Variants in TMX2 observed in about 807,000 individuals in gnomAD.
TMX2 encodes thioredoxin-related transmembrane protein 2.
Under a neutral mutation model 33.4 loss-of-function variants are expected in TMX2, and 20 were observed. The observed-to-expected ratio is 0.60, with a 90% CI of 0.42 to 0.87. The LOEUF is 0.87. TMX2 is among the 40% of genes least tolerant of loss of function. The pLI is 0.00. For synonymous variants in TMX2, 166 were observed against 140.7 expected (o/e 1.18, Z -1.27); for missense variants, 340 against 370.7 (o/e 0.92, Z 0.68).
intron 1 of TMX2, among the ~76,000 whole-genome samples, chr11:57,719,114 C>T (rs1947392393): frequency 6.9e-6 from 1 of 145,098 alleles, no homozygotes; most frequent in Non-Finnish European, 1.5e-5. Flanking sequence ...TGGCTCACTG[C>T]AACCTCCATC....
chr11:57,726,899 C>A (rs997240968), intron 1 of TMX2, among the ~76,000 whole-genome samples: 13 of 152,128 alleles, frequency 8.5e-5, no homozygotes, highest in African/African-American at 3.1e-4. Context: ...GTTCAAATAA[C>A]CCTTATTAAG....
intron 1 of TMX2, among the ~76,000 whole-genome samples, chr11:57,726,781 C>T (rs372692748): frequency 2.0e-5 from 3 of 152,180 alleles, no homozygotes; most frequent in East Asian, 3.8e-4. Flanking sequence ...TTATATCCTC[C>T]CTCAGGATGC....
intron 2 of TMX2, 49 bp from the exon 3 acceptor site, chr11:57,737,864 A>C (rs1158578835): frequency 1.2e-6 from 2 of 1,614,080 alleles, no homozygotes; most frequent in African/African-American, 1.3e-5. Flanking sequence ...AAAGAATGGG[A>C]TATAGGAGTG....
intron 4 of TMX2, 37 bp from the exon 5 acceptor site, chr11:57,738,625 ATG>A: frequency 6.5e-7 from 1 of 1,541,422 alleles, no homozygotes; most frequent in Non-Finnish European, 9.0e-7. Context: ...CCAGGAGGCT[ATG>A]TGGATCCAGC....
chr11:57,732,079 G>A (rs1948442127), intron 1 of TMX2, among the ~76,000 whole-genome samples: 1 of 152,196 alleles, frequency 6.6e-6, no homozygotes, highest in East Asian at 1.9e-4. Flanking sequence ...AGGAAAAGGA[G>A]ACCAAAAGTG....
intron 4 of TMX2, 96 bp from the exon 5 acceptor site, chr11:57,738,568 A>G (rs1948890457): frequency 8.0e-7 from 1 of 1,255,318 alleles, no homozygotes; most frequent in Non-Finnish European, 1.2e-6. Flanking sequence ...GAGCCGGGGG[A>G]GAGGGAACAC....
intron 5 of TMX2, 44 bp from the exon 6 acceptor site, chr11:57,738,930 T>C: frequency 1.3e-6 from 2 of 1,590,618 alleles, no homozygotes; most frequent in Admixed American, 1.7e-5. Flanking sequence ...CTTTCCTTGA[T>C]CCATTATTTT....
At chr11:57,718,132 C>G in intron 1 of TMX2, 1 of 1,188,062 alleles carries the variant, frequency 8.4e-7, no homozygotes, top group East Asian at 2.3e-5. Context: ...ATATTCATGC[C>G]TTCTTTCACC....
At chr11:57,738,264 T>C in intron 3 of TMX2, 90 bp from the exon 4 acceptor site, 1 of 961,360 alleles carries the variant, frequency 1.0e-6, no homozygotes, top group Non-Finnish European at 1.6e-6. Flanking sequence ...TGTGTATTAT[T>C]TGGGGGCTGA....
Position 57,735,450 on chromosome 11 carries a change from A to T in TMX2, c.190-2158A>T, listed in dbSNP as rs1419432844. Among the ~76,000 whole-genome samples the T allele has an allele frequency of 5.9e-5, 9 of 152,154 alleles. No individual in the cohort carries two copies. The South Asian group carries it at 1.9e-3, about 32-fold the overall frequency. On this transcript the variant is annotated intron_variant, in intron 1 of 7. Coordinates refer to ENST00000278422, the MANE Select transcript of TMX2 (RefSeq NM_015959.4). The stretch of plus-strand genomic sequence containing the variant: ...GGTCTTGAACTTCTAATCTCAGGTG[A>T]TCCACCCACTTTAGCCTCCCAAAGT...
At chr11:57,715,910 G>A (rs1364249788) in intron 1 of TMX2, among the ~76,000 whole-genome samples, 1 of 151,978 alleles carries the variant, frequency 6.6e-6, no homozygotes, top group Non-Finnish European at 1.5e-5. Context: ...TAAGGTCACC[G>A]ATCAACAGGA....
rs200104273 is a variant in TMX2, at chr11:57,740,093, G to A, written c.745-6G>A. 2,633 of 1,613,774 alleles carry A rather than the reference G, an allele frequency of 1.6e-3. 7 individuals carry two copies. Among genetic ancestry groups the A allele is most frequent in the Non-Finnish European group, 1.2e-3 (1,461 of 1,179,818 alleles). ...AGATCCTGACGTGTGCATCTCTTTT[G>A]TGCAGGAGAATGTGATCCGAGAATT... On this transcript the variant is annotated splice_polypyrimidine_tract_variant and splice_region_variant and intron_variant, in intron 7 of 7. Transcript: ENST00000278422.
At chr11:57,721,433 C>G (rs1201506202) in intron 1 of TMX2, among the ~76,000 whole-genome samples, 1 of 148,220 alleles carries the variant, frequency 6.7e-6, no homozygotes, top group Non-Finnish European at 1.5e-5. Flanking sequence ...ACCACAACCT[C>G]AGCCTCCTGA....
chr11:57,740,360 G>C lies in TMX2; in HGVS notation c.*115G>C. The C allele has an allele frequency of 8.1e-7, 1 of 1,234,908 alleles. No individual in the cohort carries two copies. Among genetic ancestry groups the C allele is most frequent in the Non-Finnish European group, 1.1e-6 (1 of 923,786 alleles). The allele number at this position is 1,234,908 out of a possible 1,614,324, so 76.5% of individuals were successfully genotyped here. A position where few individuals can be genotyped will look rare whatever the true frequency, so the allele number is the denominator to read the frequency against. The stretch of plus-strand genomic sequence containing the variant: ...TTCCCTTTGGCTGTGACTGGGTGGG[G>C]CAGCATGCAGCTTCTGATTTTAAAG... On this transcript the variant is annotated 3_prime_UTR_variant, in exon 8 of 8. Coordinates refer to ENST00000278422, the MANE Select transcript of TMX2 (RefSeq NM_015959.4).
intron 1 of TMX2, among the ~76,000 whole-genome samples, chr11:57,728,585 G>T (rs1260930921): frequency 1.3e-5 from 2 of 152,048 alleles, no homozygotes; most frequent in East Asian, 3.9e-4. Context: ...TTCTGAGCTG[G>T]TTTTTTGCTA....
chr11:57,716,219 TC>T (rs1294493131), intron 1 of TMX2, among the ~76,000 whole-genome samples: 1 of 125,792 alleles, frequency 7.9e-6, no homozygotes, highest in Non-Finnish European at 1.7e-5. Context: ...GGGCTGACCC[TC>T]CCACCTCCCT....
chr11:57,730,806 TGAGA>T (rs1948329593), intron 1 of TMX2, among the ~76,000 whole-genome samples: 1 of 151,964 alleles, frequency 6.6e-6, no homozygotes, highest in African/African-American at 2.4e-5. Flanking sequence ...CTGGGTTGCT[TGAGA>T]GAGAGAGACA....
chr11:57,735,231 C>T (rs1448263332), intron 1 of TMX2, among the ~76,000 whole-genome samples: 2 of 150,426 alleles, frequency 1.3e-5, no homozygotes, highest in East Asian at 2.0e-4. Flanking sequence ...TTTTTTGAGA[C>T]GTTGTTTCAC....
At chr11:57,728,979 G>C (rs935858296) in intron 1 of TMX2, among the ~76,000 whole-genome samples, 1 of 152,150 alleles carries the variant, frequency 6.6e-6, no homozygotes, top group African/African-American at 2.4e-5. Context: ...AGAGGTCACA[G>C]ACCTCTGGAG....
Sources: gnomAD v4.1 joint callset for allele counts (sites outside exome capture counted in the v4.1 genomes callset) on GRCh38, gnomAD v4.1.1 for gene constraint, MANE v1.5 for transcripts, NCBI Gene and HGNC (gene_info 2026-07-23, HGNC 2026-07-21) for gene names.